HECW1: variants seen among roughly 807,000 people sequenced by gnomAD.
HECW1 encodes HECT, C2 and WW domain containing E3 ubiquitin protein ligase 1, also known as E3 ubiquitin-protein ligase HECW1.
In HECW1, 61 loss-of-function variants were observed where a neutral mutation model predicts 182.3. The ratio of observed to expected loss-of-function variants is 0.33; its 90% CI spans 0.27 to 0.41. The LOEUF (loss-of-function observed/expected upper bound fraction) is 0.41. Ranked by LOEUF, HECW1 falls within the 10% of genes least tolerant of loss-of-function variation. The pLI, the probability that HECW1 is intolerant of heterozygous loss-of-function variation, is 1.00. For missense variants in HECW1, 1,739 were observed against 2,108.9 expected, an observed-to-expected ratio of 0.82 and a Z score of 3.44; for synonymous variants, 859 against 832.6, an observed-to-expected ratio of 1.03 and a Z score of -0.55.
intron 3 of HECW1, among the ~76,000 whole-genome samples, chr7:43,269,355 G>A (rs1029753198): frequency 6.6e-6 from 1 of 152,142 alleles, no homozygotes; most frequent in Non-Finnish European, 1.5e-5. Flanking sequence ...AGTTGCCCCC[G>A]ATCCCTTTCC....
At chr7:43,230,208 C>T (rs1037261927) in intron 2 of HECW1, among the ~76,000 whole-genome samples, 4 of 152,198 alleles carry the variant, frequency 2.6e-5, no homozygotes, top group Non-Finnish European at 4.4e-5. Context: ...GCCTGGCCAA[C>T]ATGGTGAAAC....
At chr7:43,285,071 T>C (rs930172086) in intron 3 of HECW1, among the ~76,000 whole-genome samples, 4 of 152,138 alleles carry the variant, frequency 2.6e-5, no homozygotes, top group East Asian at 1.9e-4. Flanking sequence ...ATTATAACTT[T>C]TGGGTAAAAA....
At chr7:43,168,794 G>T (rs998440151) in intron 2 of HECW1, among the ~76,000 whole-genome samples, 1 of 152,164 alleles carries the variant, frequency 6.6e-6, no homozygotes, top group African/African-American at 2.4e-5. Flanking sequence ...ATAAGTATAC[G>T]CAAGGATACT....
intron 5 of HECW1, among the ~76,000 whole-genome samples, chr7:43,335,699 CTTCCT>C (rs1436813782): frequency 1.3e-5 from 2 of 151,510 alleles, no homozygotes; most frequent in Admixed American, 6.6e-5. Flanking sequence ...TCCTTCCTTC[CTTCCT>C]TTCCTTTCCT....
intron 7 of HECW1, among the ~76,000 whole-genome samples, chr7:43,403,914 A>T (rs940972313): frequency 3.3e-5 from 5 of 152,214 alleles, no homozygotes; most frequent in Non-Finnish European, 4.4e-5. Context: ...TAATAAATGT[A>T]CATATGTCTA....
rs188016733 is a variant in HECW1, at chr7:43,372,534, T to A, written c.555+11554T>A. Among the ~76,000 whole-genome samples, 16 of 152,184 alleles carry A rather than the reference T, an allele frequency of 1.1e-4. No homozygotes were observed. In the East Asian group the frequency reaches 3.1e-3, roughly 29 times the overall value. On this transcript the variant is annotated intron_variant, in intron 6 of 29. Coordinates refer to ENST00000395891, the MANE Select transcript of HECW1 (RefSeq NM_015052.5). ...CCCTCCCCGCTCCCCACTGTTTTCC[T>A]TTTTTTAGACTTGTTTATGTTTTCT...
At chr7:43,490,269 C>T (rs1027238482) in intron 17 of HECW1, among the ~76,000 whole-genome samples, 21 of 152,166 alleles carry the variant, frequency 1.4e-4, no homozygotes, top group African/African-American at 4.6e-4. Context: ...GAGCTGCTTC[C>T]GTACCATGCT....
chr7:43,399,982 T>A (rs1192731594), intron 7 of HECW1, among the ~76,000 whole-genome samples: 1 of 152,126 alleles, frequency 6.6e-6, no homozygotes, highest in Non-Finnish European at 1.5e-5. Context: ...ATACCTATAA[T>A]CCCAGCACTT....
At chr7:43,553,475 C>T (rs1273746140) in intron 28 of HECW1, among the ~76,000 whole-genome samples, 4 of 151,990 alleles carry the variant, frequency 2.6e-5, no homozygotes, top group Non-Finnish European at 5.9e-5. Flanking sequence ...CTCATAAGTT[C>T]GAGACCAGCC....
intron 24 of HECW1, among the ~76,000 whole-genome samples, chr7:43,531,903 T>C (rs977631207): frequency 1.3e-5 from 2 of 152,198 alleles, no homozygotes; most frequent in African/African-American, 4.8e-5. Context: ...CTGCACAAAC[T>C]TCCTCCATGA....
chr7:43,518,133 C>G (rs1209336783), intron 24 of HECW1, among the ~76,000 whole-genome samples: 1 of 152,148 alleles, frequency 6.6e-6, no homozygotes, highest in Non-Finnish European at 1.5e-5. Flanking sequence ...ATAAAATGAA[C>G]TCAAGAAACC....
intron 8 of HECW1, among the ~76,000 whole-genome samples, chr7:43,427,763 C>T (rs10278689): frequency 0.32 from 48,470 of 151,862 alleles, 8,388 homozygotes; most frequent in Middle Eastern, 0.46. Context: ...AGGTTGTTGG[C>T]AGAATTGAGA....
chr7:43,469,016 C>G lies in HECW1; in HGVS notation c.3010C>G (p.Arg1004Gly). Residue 1004 changes from arginine (R) to glycine (G), a missense_variant, in exon 16 of 30, where the codon CGG becomes GGG. Physicochemically the swap from Arg to Gly is moderately radical, Grantham distance 125. Around this residue, in one of 5 missense-constraint regions of HECW1, gnomAD observed 971 missense variants for 1,029.1 expected, o/e 0.94. Transcript: ENST00000395891. ...CAATTTTGAACGCTACCAGCACAAC[C>G]GGGACTTGGTGAATTTCATCAACAT... The part of the protein sequence containing the change: ...ARNFERYQHN[R>G]DLVNFINMFA... 6.2e-7 allele frequency: 1 copy of G among 1,614,164 alleles called. No homozygotes were observed. The highest frequency in any genetic ancestry group is 8.5e-7 in the Non-Finnish European group (1 of 1,180,040).
Position 43,561,874 on chromosome 7 carries a change from A to G in HECW1, c.4769A>G (p.Tyr1590Cys), listed in dbSNP as rs1244674925. 3 of 1,614,036 alleles carry G rather than the reference A, an allele frequency of 1.9e-6. No individual in the cohort carries two copies. Among genetic ancestry groups the G allele is most frequent in the Non-Finnish European group, 2.5e-6 (3 of 1,179,978 alleles). ...CCGTATCCCTCGTACTCCATGTTGT[A>G]TGAAAAGCTGTTAACAGCAGTAGAG... ...LPPYPSYSML[Y>C]EKLLTAVEET... is the part of the protein sequence containing the mutation. The change falls in exon 30 of 30, where the codon TAT (tyrosine) becomes TGT (cysteine). Residue 1590 changes from tyrosine to cysteine, a missense_variant. This residue lies in a region of HECW1 where 420 missense variants were observed against 595.7 expected (regional missense o/e 0.71). Transcript: ENST00000395891.
Position 43,374,723 on chromosome 7 carries a change from G to C in HECW1, c.555+13743G>C, listed in dbSNP as rs1324133064. On this transcript the variant is annotated intron_variant, in intron 6 of 29. Transcript: ENST00000395891. Reference sequence around the variant, plus strand: ...CGGGAGGCGGAGCTTGCAGTGAGCCGAGATCCCGCCACTGCACTCCAGCCT... The same window carrying C: ...CGGGAGGCGGAGCTTGCAGTGAGCCCAGATCCCGCCACTGCACTCCAGCCT... Among the ~76,000 whole-genome samples the C allele has an allele frequency of 4.9e-5, 3 of 61,226 alleles. 1 individual carries two copies. In the African/African-American group the frequency reaches 5.6e-4, roughly 11 times the overall value. 40.2% of individuals were successfully genotyped at this position (61,226 alleles called of 152,430 possible).
intron 2 of HECW1, among the ~76,000 whole-genome samples, chr7:43,209,918 A>G (rs982046447): frequency 6.6e-6 from 1 of 152,166 alleles, no homozygotes; most frequent in African/African-American, 2.4e-5. Flanking sequence ...CAGCATCTCT[A>G]CTTAAGGTGA....
chr7:43,246,057 T>C (rs1291020193), intron 3 of HECW1, among the ~76,000 whole-genome samples: 2 of 151,924 alleles, frequency 1.3e-5, no homozygotes, highest in Non-Finnish European at 2.9e-5. Flanking sequence ...AAATAAGCTC[T>C]GGAGGCTAAG....
chr7:43,220,935 G>A (rs994322074), intron 2 of HECW1, among the ~76,000 whole-genome samples: 1 of 152,212 alleles, frequency 6.6e-6, no homozygotes, highest in African/African-American at 2.4e-5. Context: ...TGTGTGGCTG[G>A]TGTCACAGAA....
At chr7:43,474,583 A>G (rs2078151093) in intron 16 of HECW1, among the ~76,000 whole-genome samples, 1 of 152,228 alleles carries the variant, frequency 6.6e-6, no homozygotes, top group Admixed American at 6.5e-5. Flanking sequence ...TTAAATAAAG[A>G]AAAATCAAGG....
Sources: gnomAD v4.1 joint callset for allele counts (sites outside exome capture counted in the v4.1 genomes callset) on GRCh38, gnomAD v4.1.1 for gene constraint, gnomAD v4.1.1 regional missense constraint, MANE v1.5 for transcripts, NCBI Gene and HGNC (gene_info 2026-07-23, HGNC 2026-07-21) for gene names.